TANGO6: variants seen among roughly 807,000 people sequenced by gnomAD.
TANGO6 encodes the protein transport and Golgi organization protein 6 homolog.
In TANGO6, 90 loss-of-function variants were observed where a neutral mutation model predicts 114.2. That is an observed-to-expected ratio of 0.79 (90% CI 0.66 to 0.94). The LOEUF is 0.94. TANGO6 is among the 40% of genes least tolerant of loss of function. The probability of loss-of-function intolerance (pLI) is 0.00; values close to 1 mark genes in which losing one functional copy is unlikely to be tolerated. For synonymous variants in TANGO6, 477 were observed against 509.8 expected (o/e 0.94, Z 0.87); for missense variants, 1,274 against 1,315.3 (o/e 0.97, Z 0.49).
intron 1 of TANGO6, among the ~76,000 whole-genome samples, chr16:68,849,912 A>G (rs981622712): frequency 6.6e-6 from 1 of 151,184 alleles, no homozygotes; most frequent in Non-Finnish European, 1.5e-5. Context: ...CATGACCTTC[A>G]TTCTATAGTT....
chr16:69,020,190 TA>T (rs1004569270), intron 15 of TANGO6, among the ~76,000 whole-genome samples: 3 of 152,178 alleles, frequency 2.0e-5, no homozygotes, highest in Non-Finnish European at 2.9e-5. Context: ...TAATACTAAT[TA>T]TTTCCCCAAC....
At chr16:68,963,825 A>ATGC (rs1963618573) in intron 14 of TANGO6, among the ~76,000 whole-genome samples, 1 of 152,172 alleles carries the variant, frequency 6.6e-6, no homozygotes, top group African/African-American at 2.4e-5. Context: ...CAACTCTATC[A>ATGC]TGCACATATC....
intron 15 of TANGO6, among the ~76,000 whole-genome samples, chr16:68,981,800 C>T (rs1963839055): frequency 6.6e-6 from 1 of 152,164 alleles, no homozygotes; most frequent in African/African-American, 2.4e-5. Context: ...TGACATGACA[C>T]ACTCAAAGGA....
chr16:68,852,978 C>CT (rs972680795), intron 1 of TANGO6, among the ~76,000 whole-genome samples: 10 of 152,234 alleles, frequency 6.6e-5, no homozygotes, highest in East Asian at 3.9e-4. Context: ...CATGTTTTCT[C>CT]TTTTTTTGAT....
At chr16:68,866,861 C>T (rs1162794170) in intron 3 of TANGO6, among the ~76,000 whole-genome samples, 2 of 151,890 alleles carry the variant, frequency 1.3e-5, no homozygotes, top group African/African-American at 4.8e-5. Flanking sequence ...CGCTTGAACC[C>T]GGGAGGTGGA....
At chr16:69,067,937 CAAAAA>C (rs1217551130) in intron 17 of TANGO6, among the ~76,000 whole-genome samples, 3 of 66,564 alleles carry the variant, frequency 4.5e-5, no homozygotes, top group Non-Finnish European at 9.1e-5. Flanking sequence ...AACTCTGTCT[CAAAAA>C]AAAAAAAAAA....
At chr16:68,874,904 C>A (rs1321092102) in intron 4 of TANGO6, among the ~76,000 whole-genome samples, 1 of 152,048 alleles carries the variant, frequency 6.6e-6, no homozygotes, top group Non-Finnish European at 1.5e-5. Flanking sequence ...GAGCTGAGAT[C>A]ATGCCACTAC....
chr16:68,957,872 A>G (rs533322275), intron 14 of TANGO6, among the ~76,000 whole-genome samples: 67 of 152,284 alleles, frequency 4.4e-4, no homozygotes, highest in South Asian at 1.0e-3. Flanking sequence ...AAGTAGAATA[A>G]CTAAAATTAA....
At chr16:68,919,311 A>G in intron 12 of TANGO6, 92 bp downstream of exon 12, 2 of 1,486,232 alleles carry the variant, frequency 1.3e-6, no homozygotes, top group Non-Finnish European at 1.8e-6. Context: ...AGAAATAAGA[A>G]TGGATATTGT....
At chr16:68,886,690 T>C (rs1217153938) in intron 7 of TANGO6, among the ~76,000 whole-genome samples, 2 of 151,974 alleles carry the variant, frequency 1.3e-5, no homozygotes, top group African/African-American at 4.8e-5. Context: ...TTGTATATTT[T>C]AGTAGAGACG....
chr16:68,959,645 G>C (rs1156638694), intron 14 of TANGO6, among the ~76,000 whole-genome samples: 1 of 152,126 alleles, frequency 6.6e-6, no homozygotes, highest in Non-Finnish European at 1.5e-5. Flanking sequence ...CTGAGGAAGA[G>C]TTTCCACCTT....
intron 14 of TANGO6, among the ~76,000 whole-genome samples, chr16:68,939,954 A>G (rs1389285109): frequency 6.6e-6 from 1 of 152,150 alleles, no homozygotes; most frequent in Non-Finnish European, 1.5e-5. Flanking sequence ...GGGGTCAGGC[A>G]TAAACTGTGT....
At chr16:68,968,299 C>T (rs1479159798) in intron 14 of TANGO6, among the ~76,000 whole-genome samples, 2 of 151,540 alleles carry the variant, frequency 1.3e-5, no homozygotes, top group East Asian at 1.9e-4. Context: ...TTCCTGACTT[C>T]GTGATCCACC....
In TANGO6 at chr16:69,083,794, C is replaced by CA. The variant is rs1960501370; in HGVS notation, c.*134dup. The stretch of plus-strand genomic sequence containing the variant: ...TGACCCTCGGGGTGGTTTTATGGTG[C>CA]AGGTCACTTGGGTCTTCAGGGTCCC... On this transcript the variant is annotated 3_prime_UTR_variant, in exon 18 of 18. Transcript: ENST00000261778. The CA allele has an allele frequency of 9.9e-7, 1 of 1,008,448 alleles. No individual in the cohort carries two copies. Among genetic ancestry groups the CA allele is most frequent in the South Asian group, 1.7e-5 (1 of 58,526 alleles). The allele number at this position is 1,008,448 out of a possible 1,614,324, so 62.5% of individuals were successfully genotyped here. A position where few individuals can be genotyped will look rare whatever the true frequency, so the allele number is the denominator to read the frequency against.
rs373276701 is a variant in TANGO6, at chr16:68,918,985, A to G, written c.1993-100A>G. Reference sequence around the variant, plus strand: ...GTTCTGGATGGTTCTTGCTATCATGATGTAGATGAAGAAGATGAGGATGTA... The same window carrying G: ...GTTCTGGATGGTTCTTGCTATCATGGTGTAGATGAAGAAGATGAGGATGTA... On this transcript the variant is annotated intron_variant, in intron 11 of 17. Transcript: ENST00000261778. 3.5e-5 allele frequency: 49 copies of G among 1,386,488 alleles called. 1 individual carries two copies. In the African/African-American group the frequency reaches 4.2e-4, roughly 12 times the overall value. 85.9% of individuals were successfully genotyped at this position (1,386,488 alleles called of 1,614,324 possible).
At chr16:68,981,023 G>T (rs1167513210) in intron 15 of TANGO6, among the ~76,000 whole-genome samples, 1 of 151,810 alleles carries the variant, frequency 6.6e-6, no homozygotes, top group Admixed American at 6.6e-5. Context: ...AAAGATTTTG[G>T]TTCAGTCTCT....
intron 15 of TANGO6, among the ~76,000 whole-genome samples, chr16:69,017,818 G>A (rs565817395): frequency 1.6e-4 from 25 of 152,158 alleles, no homozygotes; most frequent in Middle Eastern, 6.8e-3. Context: ...CCACTGCAGA[G>A]TGAGCAAGCC....
Position 68,927,581 on chromosome 16 carries a change from A to AT in TANGO6, c.2145dup (p.Ala716CysfsTer19). Reference sequence around the variant, plus strand: ...TTCATTTTGTAGTTGAAGTCAAGTGATTTTGCTGTTCTGAAGCAGTTGTTG... The same window carrying AT: ...TTCATTTTGTAGTTGAAGTCAAGTGATTTTTGCTGTTCTGAAGCAGTTGTTG... On this transcript the variant is annotated frameshift_variant, in exon 13 of 18. Coordinates refer to ENST00000261778, the MANE Select transcript of TANGO6 (RefSeq NM_024562.2). LOFTEE classifies it high-confidence loss of function. 6.2e-7 allele frequency: 1 copy of AT among 1,609,022 alleles called. No homozygotes were observed. Among genetic ancestry groups the AT allele is most frequent in the Non-Finnish European group, 8.5e-7 (1 of 1,176,572 alleles).
intron 15 of TANGO6, among the ~76,000 whole-genome samples, chr16:68,979,519 T>A (rs1963802484): frequency 6.6e-6 from 1 of 151,738 alleles, no homozygotes; most frequent in Non-Finnish European, 1.5e-5. Context: ...CGTGAGCCAC[T>A]GCGCCGGGCC....
Sources: gnomAD v4.1 joint callset for allele counts (sites outside exome capture counted in the v4.1 genomes callset) on GRCh38, gnomAD v4.1.1 for gene constraint, MANE v1.5 for transcripts, NCBI Gene and HGNC (gene_info 2026-07-23, HGNC 2026-07-21) for gene names.